The following LARP4 variants were observed in gnomAD, a reference collection of about 807,000 sequenced individuals.
The protein encoded by LARP4 is La ribonucleoprotein 4, also known as la-related protein 4.
In LARP4, 29 loss-of-function variants were observed where a neutral mutation model predicts 92.9. The ratio of observed to expected loss-of-function variants is 0.31; its 90% CI spans 0.23 to 0.43. The LOEUF (loss-of-function observed/expected upper bound fraction) is 0.43, where lower values mean the gene tolerates loss of function less well. Among genes scored for constraint, LARP4 ranks in the 20% least tolerant of loss-of-function variants. The probability of loss-of-function intolerance (pLI) is 1.00; values close to 1 mark genes in which losing one functional copy is unlikely to be tolerated. For synonymous variants in LARP4, 279 were observed against 284.1 expected (o/e 0.98, Z 0.18); for missense variants, 732 against 860.0 (o/e 0.85, Z 1.86).
At chr12:50,475,336 T>A (rs1565775304) in intron 15 of LARP4, among the ~76,000 whole-genome samples, 190 bp from the exon 16 acceptor site, 1 of 152,158 alleles carries the variant, frequency 6.6e-6, no homozygotes, top group East Asian at 1.9e-4. Context: ...TCAGTTAAAT[T>A]CCTTACGTGA....
chr12:50,421,498 C>T (rs940617370), intron 1 of LARP4, among the ~76,000 whole-genome samples: 6 of 151,632 alleles, frequency 4.0e-5, no homozygotes, highest in Admixed American at 3.3e-4. Flanking sequence ...AAAAATTAGC[C>T]GGGCATGGTG....
In LARP4 at chr12:50,401,892, C is replaced by T. The variant is rs139922953; in HGVS notation, c.18+864C>T. Among the ~76,000 whole-genome samples, 613 of 152,266 alleles carry T rather than the reference C, an allele frequency of 4.0e-3. 5 individuals are homozygous for T. Among genetic ancestry groups the T allele is most frequent in the African/African-American group, 0.014 (575 of 41,554 alleles). On this transcript the variant is annotated intron_variant, in intron 1 of 15. Transcript: ENST00000398473. ...CTTACAGAAATACGAAATTTAATTT[C>T]CCTTAATTCTGTCCTCTTGTGTGCA... is the stretch of plus-strand genomic sequence containing the variant.
intron 1 of LARP4, among the ~76,000 whole-genome samples, chr12:50,427,506 G>A (rs1948980321): frequency 6.6e-6 from 1 of 152,058 alleles, no homozygotes; most frequent in Non-Finnish European, 1.5e-5. Flanking sequence ...AATTACAGGC[G>A]TGAGCCATTG....
At chr12:50,424,275 C>T (rs1948369883) in intron 1 of LARP4, among the ~76,000 whole-genome samples, 1 of 151,908 alleles carries the variant, frequency 6.6e-6, no homozygotes, top group South Asian at 2.1e-4. Context: ...GAGATTGAGG[C>T]AAGAGCATCA....
intron 1 of LARP4, among the ~76,000 whole-genome samples, chr12:50,426,581 T>TGTAA (rs1948734960): frequency 6.6e-6 from 1 of 151,810 alleles, no homozygotes; most frequent in South Asian, 2.1e-4. Context: ...TTCTAAAGCG[T>TGTAA]GTAAGTGATA....
At position 50,424,970 on chromosome 12, in the gene LARP4, A is replaced by G. The variant is rs1948484012; in HGVS notation, c.19-2792A>G. Among the ~76,000 whole-genome samples, 3 of 151,998 alleles carry G rather than the reference A, an allele frequency of 2.0e-5. 1 individual carries two copies. In the South Asian group the frequency reaches 6.2e-4, roughly 32 times the overall value. ...GAGGCCAACCTGACCAACATGGTGA[A>G]ACCCTGTCTCTACTAAAAACACAAA... On this transcript the variant is annotated intron_variant, in intron 1 of 15. Coordinates refer to ENST00000398473, the MANE Select transcript of LARP4 (RefSeq NM_052879.5).
intron 4 of LARP4, among the ~76,000 whole-genome samples, chr12:50,432,861 A>C (rs906069206): frequency 2.3e-4 from 2 of 8,874 alleles, no homozygotes; most frequent in African/African-American, 2.9e-4. Flanking sequence ...ACTTCGTTTC[A>C]AAAAAAAAAA....
intron 8 of LARP4, among the ~76,000 whole-genome samples, chr12:50,444,050 G>A (rs1177129164): frequency 6.6e-6 from 1 of 152,014 alleles, no homozygotes; most frequent in Non-Finnish European, 1.5e-5. Flanking sequence ...TAGAATATTT[G>A]TCTAGTTCCA....
intron 2 of LARP4, among the ~76,000 whole-genome samples, chr12:50,428,177 GTT>G (rs1308440737): frequency 1.3e-5 from 2 of 151,642 alleles, no homozygotes; most frequent in East Asian, 3.9e-4. Flanking sequence ...CCCACACCCG[GTT>G]ACCACACCCG....
At chr12:50,449,796 ATTT>A (rs1252753077) in intron 8 of LARP4, among the ~76,000 whole-genome samples, 1 of 151,722 alleles carries the variant, frequency 6.6e-6, no homozygotes, top group Non-Finnish European at 1.5e-5. Context: ...AAAAGTGTTG[ATTT>A]TTTAGCCAAT....
chr12:50,408,988 T>G (rs1179755877), intron 1 of LARP4, among the ~76,000 whole-genome samples: 1 of 152,024 alleles, frequency 6.6e-6, no homozygotes, highest in Non-Finnish European at 1.5e-5. Flanking sequence ...TAAAAATTTT[T>G]TTTTTAAATA....
chr12:50,422,656 A>C (rs1947998129), intron 1 of LARP4, among the ~76,000 whole-genome samples: 3 of 151,886 alleles, frequency 2.0e-5, no homozygotes, highest in Admixed American at 2.0e-4. Flanking sequence ...TCATCTGTTT[A>C]AACAGGGTTA....
chr12:50,423,533 C>G (rs906570260), intron 1 of LARP4, among the ~76,000 whole-genome samples: 2 of 152,130 alleles, frequency 1.3e-5, no homozygotes, highest in Admixed American at 6.5e-5. Flanking sequence ...ACCACAACCT[C>G]CACCTTCAGG....
At chr12:50,401,423 C>T (rs1199839485) in intron 1 of LARP4, 2 of 216,662 alleles carry the variant, frequency 9.2e-6, no homozygotes, top group Non-Finnish European at 1.8e-5. Context: ...TCGCGGGGCC[C>T]CTCTGGGAGG....
At chr12:50,409,158 A>C (rs1945387562) in intron 1 of LARP4, among the ~76,000 whole-genome samples, 1 of 152,152 alleles carries the variant, frequency 6.6e-6, no homozygotes, top group African/African-American at 2.4e-5. Flanking sequence ...GGTTACATAA[A>C]AGATTTTTTT....
chr12:50,412,443 A>G (rs1946068129), intron 1 of LARP4: 1 of 972,888 alleles, frequency 1.0e-6, no homozygotes, highest in Non-Finnish European at 1.2e-6. Context: ...TCTGTTTCTG[A>G]TAGTAAATAG....
intron 1 of LARP4, among the ~76,000 whole-genome samples, chr12:50,418,914 G>T (rs1947291755): frequency 6.6e-6 from 1 of 151,776 alleles, no homozygotes; most frequent in Non-Finnish European, 1.5e-5. Flanking sequence ...GAGGGGGGTG[G>T]TCTTCCTATG....
At chr12:50,465,419 T>C (rs1189846168) in intron 12 of LARP4, among the ~76,000 whole-genome samples, 1 of 150,294 alleles carries the variant, frequency 6.7e-6, no homozygotes, top group African/African-American at 2.4e-5. Context: ...TTATTCAATA[T>C]GTTGTAAATG....
chr12:50,446,722 C>T (rs550686906), intron 8 of LARP4, among the ~76,000 whole-genome samples: 34 of 151,936 alleles, frequency 2.2e-4, no homozygotes, highest in South Asian at 6.2e-4. Context: ...CCACCACACC[C>T]GGCCTAGTGG....
Sources: gnomAD v4.1 joint callset for allele counts (sites outside exome capture counted in the v4.1 genomes callset) on GRCh38, gnomAD v4.1.1 for gene constraint, MANE v1.5 for transcripts, NCBI Gene and HGNC (gene_info 2026-07-23, HGNC 2026-07-21) for gene names.